CTNND2: variants seen among roughly 807,000 people sequenced by gnomAD.
The protein encoded by CTNND2 is catenin delta-2.
Under a neutral mutation model 144.4 loss-of-function variants are expected in CTNND2, and 22 were observed. The observed-to-expected ratio is 0.15, with a 90% CI of 0.11 to 0.22. The LOEUF (loss-of-function observed/expected upper bound fraction) is 0.22, where lower values mean the gene tolerates loss of function less well. Ranked by LOEUF, CTNND2 falls within the 10% of genes least tolerant of loss-of-function variation. The pLI, the probability that CTNND2 is intolerant of heterozygous loss-of-function variation, is 1.00. For synonymous variants in CTNND2, 751 were observed against 695.6 expected (o/e 1.08, Z -1.25); for missense variants, 1,353 against 1,618.8 (o/e 0.84, Z 2.82).
chr5:11,779,710 A>G (rs1052749832), intron 1 of CTNND2, among the ~76,000 whole-genome samples: 2 of 152,204 alleles, frequency 1.3e-5, no homozygotes, highest in Non-Finnish European at 2.9e-5. Context: ...GTTTTGTCCA[A>G]TAACTGCTAC....
At chr5:11,815,667 A>T (rs1157277196) in intron 1 of CTNND2, among the ~76,000 whole-genome samples, 2 of 152,152 alleles carry the variant, frequency 1.3e-5, no homozygotes, top group African/African-American at 4.8e-5. Flanking sequence ...TTCAAGTACC[A>T]GCGCTTGTGC....
intron 16 of CTNND2, among the ~76,000 whole-genome samples, chr5:11,026,391 T>G (rs1400382037): frequency 1.4e-5 from 2 of 140,440 alleles, no homozygotes; most frequent in African/African-American, 5.3e-5. Flanking sequence ...ACAGTCTCAC[T>G]CTGTTGTCCA....
At chr5:11,690,742 C>CAAAAAAAAAAAAAAAAAAAAAAAAAAAA (rs58799389) in intron 2 of CTNND2, among the ~76,000 whole-genome samples, 1 of 36,532 alleles carries the variant, frequency 2.7e-5, no homozygotes, top group African/African-American at 5.3e-5. Context: ...GACTCCGTCT[C>CAAAAAAAAAAAAAAAAAAAAAAAAAAAA]AAAAAAAAAA....
chr5:11,567,199 C>A (rs1777188240), intron 2 of CTNND2, among the ~76,000 whole-genome samples: 1 of 151,860 alleles, frequency 6.6e-6, no homozygotes, highest in Non-Finnish European at 1.5e-5. Flanking sequence ...GCTCTGTCGT[C>A]CAGGTTGGAG....
intron 1 of CTNND2, among the ~76,000 whole-genome samples, chr5:11,853,869 C>T (rs751083618): frequency 2.6e-5 from 4 of 152,156 alleles, no homozygotes; most frequent in Non-Finnish European, 5.9e-5. Context: ...TCGTCTGAGC[C>T]GCCATCATGA....
chr5:11,668,217 T>G (rs1299996659), intron 2 of CTNND2, among the ~76,000 whole-genome samples: 1 of 152,240 alleles, frequency 6.6e-6, no homozygotes, highest in Non-Finnish European at 1.5e-5. Context: ...AGCTTTGTTC[T>G]TTTTGCTTAG....
At chr5:11,321,037 T>C (rs1213857262) in intron 9 of CTNND2, among the ~76,000 whole-genome samples, 2 of 152,204 alleles carry the variant, frequency 1.3e-5, no homozygotes, top group Non-Finnish European at 2.9e-5. Flanking sequence ...GCATATGACC[T>C]TTTTTCTCAA....
chr5:11,639,271 T>G (rs1781870875), intron 2 of CTNND2, among the ~76,000 whole-genome samples: 1 of 152,154 alleles, frequency 6.6e-6, no homozygotes, highest in Non-Finnish European at 1.5e-5. Context: ...GATGAGAACC[T>G]TGATTTCAGT....
At chr5:11,386,780 C>T (rs2149802584) in intron 6 of CTNND2, among the ~76,000 whole-genome samples, 1 of 152,258 alleles carries the variant, frequency 6.6e-6, no homozygotes, top group East Asian at 1.9e-4. Context: ...GGCCTGATTC[C>T]TAGCAGAGAC....
At position 11,623,668 on chromosome 5, in the gene CTNND2, G is replaced by GT. The variant is rs1780975209; in HGVS notation, c.175-58613dup. 2.0e-5 allele frequency among the ~76,000 whole-genome samples: 3 copies of GT among 151,276 alleles called. No individual in the cohort carries two copies. In the South Asian group the frequency reaches 6.3e-4, roughly 32 times the overall value. On this transcript the variant is annotated intron_variant, in intron 2 of 21. Transcript: ENST00000304623. Reference sequence around the variant, plus strand: ...CAAAGCAAATGGAAAACAGAAAAAAGTAGTGGTTAATATTTTAATTTCAGA... The same window carrying GT: ...CAAAGCAAATGGAAAACAGAAAAAAGTTAGTGGTTAATATTTTAATTTCAGA...
intron 3 of CTNND2, among the ~76,000 whole-genome samples, chr5:11,532,669 T>A (rs1430873313): frequency 6.6e-6 from 1 of 152,220 alleles, no homozygotes; most frequent in African/African-American, 2.4e-5. Context: ...AAATAGTTTG[T>A]TCTATCATTT....
At chr5:11,256,776 G>A (rs1278370426) in intron 9 of CTNND2, among the ~76,000 whole-genome samples, 2 of 152,158 alleles carry the variant, frequency 1.3e-5, no homozygotes, top group African/African-American at 4.8e-5. Flanking sequence ...GGAGGTCAAG[G>A]TGGGATAAAA....
chr5:11,866,607 A>T (rs534573278), intron 1 of CTNND2, among the ~76,000 whole-genome samples: 1 of 152,230 alleles, frequency 6.6e-6, no homozygotes, highest in Non-Finnish European at 1.5e-5. Context: ...TTTTGTACCT[A>T]AAGTGTGCAG....
intron 3 of CTNND2, among the ~76,000 whole-genome samples, chr5:11,544,919 C>A (rs1022448330): frequency 2.0e-5 from 3 of 151,816 alleles, no homozygotes; most frequent in African/African-American, 7.3e-5. Context: ...GAGTTCAAGA[C>A]TAGCCTGACA....
intron 2 of CTNND2, among the ~76,000 whole-genome samples, chr5:11,578,245 C>A (rs191721247): frequency 6.6e-5 from 10 of 152,074 alleles, no homozygotes; most frequent in Non-Finnish European, 1.5e-4. Flanking sequence ...AAAATTGTAC[C>A]CTAACGTAAT....
chr5:11,330,498 A>G (rs1235548172), intron 9 of CTNND2, among the ~76,000 whole-genome samples: 1 of 149,438 alleles, frequency 6.7e-6, no homozygotes, highest in Non-Finnish European at 1.5e-5. Context: ...AAAAAAAAAA[A>G]AAAAAAAAAA....
Position 11,903,164 on chromosome 5 carries a change from T to C in CTNND2, c.37+653A>G. On this transcript the variant is annotated intron_variant, in intron 1 of 21. Transcript: ENST00000304623. This position sits in a 1 kb window ranked among gnomAD's most constrained non-coding sequence, Gnocchi z 5.4. ...TCATCTCCCATACACACGCACAGCC[T>C]TCCAAACCTGGCTTTCAGGCGGCGC... The C allele has an allele frequency of 1.0e-6, 1 of 985,108 alleles. No homozygotes were observed. Among genetic ancestry groups the C allele is most frequent in the Non-Finnish European group, 1.2e-6 (1 of 829,662 alleles). 61.0% of individuals were successfully genotyped at this position (985,108 alleles called of 1,614,324 possible). A position where few individuals can be genotyped will look rare whatever the true frequency, so the allele number is the denominator to read the frequency against.
intron 3 of CTNND2, among the ~76,000 whole-genome samples, chr5:11,456,557 C>G (rs1437596411): frequency 2.0e-5 from 3 of 152,052 alleles, no homozygotes; most frequent in African/African-American, 7.2e-5. Context: ...AACCCCAATA[C>G]CTGGGAAGGT....
At chr5:11,227,879 AGTGGGTATGCC>A in intron 10 of CTNND2, among the ~76,000 whole-genome samples, 3 of 151,888 alleles carry the variant, frequency 2.0e-5, no homozygotes, top group African/African-American at 7.2e-5. Context: ...ATGAGTTCTA[AGTGGGTATGCC>A]TTAGGTTATA....
Sources: allele counts gnomAD v4.1 joint callset (sites outside exome capture counted in the v4.1 genomes callset), GRCh38; gene constraint gnomAD v4.1.1; non-coding constraint Gnocchi (gnomAD v3.1); transcripts MANE v1.5; gene names NCBI Gene and HGNC (gene_info 2026-07-23, HGNC 2026-07-21).